The following CYB5R3 variants were observed in gnomAD, a reference collection of about 807,000 sequenced individuals.
The protein encoded by CYB5R3 is NADH-cytochrome b5 reductase 3.
Under a neutral mutation model 36.5 loss-of-function variants are expected in CYB5R3, and 28 were observed. The ratio of observed to expected loss-of-function variants is 0.77; its 90% confidence interval spans 0.57 to 1.05. The LOEUF (loss-of-function observed/expected upper bound fraction) is 1.05. CYB5R3 is among the 50% of genes least tolerant of loss of function. CYB5R3 has a pLI of 0.00. For missense variants in CYB5R3, 474 were observed against 408.9 expected, an observed-to-expected ratio of 1.16 and a Z score of -1.37; for synonymous variants, 181 against 159.8, an observed-to-expected ratio of 1.13 and a Z score of -1.00.
At chr22:42,622,120 C>T (rs1928006488) in intron 8 of CYB5R3, among the ~76,000 whole-genome samples, 1 of 152,148 alleles carries the variant, frequency 6.6e-6, no homozygotes, top group South Asian at 2.1e-4. Context: ...CAGAGTTTCA[C>T]CATGTTGGCC....
chr22:42,647,345 C>T (rs978336309), intron 1 of CYB5R3, among the ~76,000 whole-genome samples: 6 of 152,298 alleles, frequency 3.9e-5, no homozygotes, highest in South Asian at 2.1e-4. Context: ...CCAAGAACGG[C>T]GTTCACACCT....
chr22:42,639,341 G>GGCT, intron 1 of CYB5R3, among the ~76,000 whole-genome samples: 1 of 108,648 alleles, frequency 9.2e-6, no homozygotes, highest in African/African-American at 2.8e-5. Flanking sequence ...AAAAAAGTGG[G>GGCT]GGGGGACCGG....
intron 1 of CYB5R3, chr22:42,644,595 CT>C (rs1929450298): frequency 3.3e-6 from 5 of 1,504,330 alleles, no homozygotes; most frequent in East Asian, 2.5e-5. Flanking sequence ...TTCACAGCCC[CT>C]GGTCCCTTCT....
chr22:42,644,379 T>C (rs962419780), intron 1 of CYB5R3: 19 of 707,176 alleles, frequency 2.7e-5, no homozygotes, highest in Non-Finnish European at 4.9e-5. Context: ...TGGCCCCAAC[T>C]CTGGACTCAC....
chr22:42,619,985 G>C (rs2032030291), intron 8 of CYB5R3, 40 bp from the exon 9 acceptor site: 1 of 1,559,118 alleles, frequency 6.4e-7, no homozygotes, highest in Non-Finnish European at 8.7e-7. Flanking sequence ...GTGTGGCTGT[G>C]TGGTCACCAA....
intron 1 of CYB5R3, among the ~76,000 whole-genome samples, chr22:42,646,379 A>G (rs1399319555): frequency 1.3e-5 from 2 of 152,138 alleles, no homozygotes; most frequent in African/African-American, 4.8e-5. Flanking sequence ...AGAGGGACAC[A>G]GGGTGCCAGA....
intron 7 of CYB5R3, among the ~76,000 whole-genome samples, chr22:42,627,060 G>A (rs1427369090): frequency 6.6e-6 from 1 of 152,224 alleles, no homozygotes; most frequent in Non-Finnish European, 1.5e-5. Context: ...GCAGCCAGGG[G>A]AGGGGGTGCT....
chr22:42,628,265 G>GTAACTTGGGATGGC lies in CYB5R3; in HGVS notation c.349_350insGCCATCCCAAGTTA (p.Thr117SerfsTer61). 1 of 1,613,932 alleles carries GTAACTTGGGATGGC rather than the reference G, an allele frequency of 6.2e-7. No individual in the cohort carries two copies. Among genetic ancestry groups the GTAACTTGGGATGGC allele is most frequent in the African/African-American group, 1.3e-5 (1 of 74,928 alleles). On this transcript the variant is annotated frameshift_variant, in exon 5 of 9. Transcript: ENST00000352397. LOFTEE classifies it high-confidence loss of function. The stretch of plus-strand genomic sequence containing the variant: ...CCCTCCAGCGGGAAACTTGGGATGG[G>GTAACTTGGGATGGC]TGTCCTTGAAGTAAACCTGCAAGAC...
chr22:42,636,955 C>T (rs1601943449), intron 1 of CYB5R3, 109 bp from the exon 2 acceptor site: 1 of 1,442,800 alleles, frequency 6.9e-7, no homozygotes, highest in East Asian at 2.5e-5. Flanking sequence ...CTGCCAGGAG[C>T]ACCCTCTCCC....
chr22:42,637,308 C>G (rs908471055), intron 1 of CYB5R3, among the ~76,000 whole-genome samples: 1 of 152,134 alleles, frequency 6.6e-6, no homozygotes, highest in Admixed American at 6.6e-5. Flanking sequence ...AAATAATAAC[C>G]CCAACTCAGA....
chr22:42,618,648 G>A lies in CYB5R3; in HGVS notation c.*1125C>T, dbSNP rs1927768682. ...GAATCGCTTGAACCCGAGAGGTGGAGGTTGTAGTGAGCTGAGATCATGCCA... is the reference window on the plus strand; with the variant it reads ...GAATCGCTTGAACCCGAGAGGTGGAAGTTGTAGTGAGCTGAGATCATGCCA... On this transcript the variant is annotated 3_prime_UTR_variant, in exon 9 of 9. Coordinates refer to ENST00000352397, the MANE Select transcript of CYB5R3 (RefSeq NM_000398.7). The A allele has an allele frequency of 6.6e-6, 1 of 150,832 alleles. No individual in the cohort carries two copies. 9.3% of individuals were successfully genotyped at this position (150,832 alleles called of 1,614,324 possible).
intron 4 of CYB5R3, among the ~76,000 whole-genome samples, chr22:42,629,795 A>G (rs1294113440): frequency 6.6e-6 from 1 of 151,902 alleles, no homozygotes; most frequent in Non-Finnish European, 1.5e-5. Context: ...GTTCTGCAGG[A>G]AAGCTTGTAT....
chr22:42,626,430 C>T (rs1047725574), intron 7 of CYB5R3, among the ~76,000 whole-genome samples: 1 of 152,226 alleles, frequency 6.6e-6, no homozygotes, highest in African/African-American at 2.4e-5. Flanking sequence ...GGCGACCACA[C>T]TGCCCTCGCT....
intron 4 of CYB5R3, among the ~76,000 whole-genome samples, 184 bp from the exon 5 acceptor site, chr22:42,628,465 G>A (rs1050044145): frequency 4.6e-5 from 7 of 152,058 alleles, no homozygotes; most frequent in East Asian, 3.9e-4. Flanking sequence ...CCTTCACCCC[G>A]TCCTCCCAGG....
rs1928634554 is a variant in CYB5R3, at chr22:42,631,768, T to G, written c.154-318A>C. ...GCCAGACAGGACGGGGAGGGAGGAA[T>G]CCATCTCTGCCATCAGCTCAAGCAG... is the stretch of plus-strand genomic sequence containing the variant. On this transcript the variant is annotated intron_variant, in intron 2 of 8. Transcript: ENST00000352397. 9.1e-6 allele frequency: 4 copies of G among 440,598 alleles called. No homozygotes were observed. The Admixed American group carries it at 1.0e-4, about 12-fold the overall frequency. 27.3% of individuals were successfully genotyped at this position (440,598 alleles called of 1,614,324 possible).
At chr22:42,648,947 C>G (rs1459589974) in intron 1 of CYB5R3, among the ~76,000 whole-genome samples, 1 of 152,210 alleles carries the variant, frequency 6.6e-6, no homozygotes, top group African/African-American at 2.4e-5. Context: ...CTCACACACT[C>G]ACACTCAGCG....
intron 1 of CYB5R3, among the ~76,000 whole-genome samples, chr22:42,643,833 C>T (rs924420093): frequency 6.6e-5 from 10 of 152,138 alleles, no homozygotes; most frequent in African/African-American, 2.4e-4. Flanking sequence ...TTCCCCGGGC[C>T]CTACCTGGAG....
intron 8 of CYB5R3, among the ~76,000 whole-genome samples, chr22:42,623,053 C>T (rs930866425): frequency 4.0e-5 from 4 of 99,354 alleles, no homozygotes; most frequent in African/African-American, 9.0e-5. Flanking sequence ...TCCAATTTAC[C>T]GCAGTTGCCG....
chr22:42,623,241 G>T (rs1247068419), intron 8 of CYB5R3, among the ~76,000 whole-genome samples: 1 of 152,246 alleles, frequency 6.6e-6, no homozygotes. Flanking sequence ...CACTGCAAGT[G>T]GTGGAGGTGG....
Sources: allele counts gnomAD v4.1 joint callset (sites outside exome capture counted in the v4.1 genomes callset), GRCh38; gene constraint gnomAD v4.1.1; transcripts MANE v1.5; gene names NCBI Gene and HGNC (gene_info 2026-07-23, HGNC 2026-07-21).